Variants in FAT1 observed in about 807,000 individuals in gnomAD.
The protein encoded by FAT1 is protocadherin Fat 1.
FAT1 carries 171 observed loss-of-function variants against 329.8 expected under a neutral mutation model. The ratio of observed to expected loss-of-function variants is 0.52; its 90% CI spans 0.46 to 0.59. FAT1 has a LOEUF of 0.59. Ranked by LOEUF, FAT1 falls within the 20% of genes least tolerant of loss-of-function variation. The pLI is 0.00. For synonymous variants in FAT1, 2,233 were observed against 2,228.6 expected, an observed-to-expected ratio of 1.00 and a Z score of -0.06; for missense variants, 5,672 against 5,774.4, an observed-to-expected ratio of 0.98 and a Z score of 0.57.
rs761430021 is a variant in FAT1, at chr4:186,618,166, G to A, written c.8420C>T (p.Pro2807Leu). 30 of 1,613,864 alleles carry A rather than the reference G, an allele frequency of 1.9e-5. No individual in the cohort carries two copies. The Admixed American group carries it at 3.0e-4, about 16-fold the overall frequency. ...IQVKDANDNS[P>L]VFESSPYEAF... ...CTCATATGGACTAGATTCAAAGACCGGGCTGTTGTCATTTGCATCTTTCAC... is the reference window on the plus strand; with the variant it reads ...CTCATATGGACTAGATTCAAAGACCAGGCTGTTGTCATTTGCATCTTTCAC... Residue 2807 changes from proline (P) to leucine (L), a missense_variant, in exon 10 of 27, where the codon CCG (proline) becomes CTG (leucine). Pro to Leu is a moderately conservative substitution (Grantham distance 98). Coordinates refer to ENST00000441802, the MANE Select transcript of FAT1 (RefSeq NM_005245.4).
chr4:186,611,290 A>C, intron 14 of FAT1, 96 bp downstream of exon 14: 1 of 1,117,978 alleles, frequency 8.9e-7, no homozygotes, highest in South Asian at 1.7e-5. Flanking sequence ...ACATCTACTG[A>C]CAACACAGGG....
chr4:186,707,655 G>A lies in FAT1; in HGVS notation c.2173C>T (p.Gln725Ter), dbSNP rs2126690305. Reference protein sequence around the residue: ...QFRSTLPTGIQVKENQPVGSS... With the variant: ...QFRSTLPTGI ...CCCACAGGCTGGTTTTCCTTTACCT[G>A]AATACCAGTCGGAAGAGTGCTTCTA... The change falls in exon 2 of 27, where the codon CAG (glutamine) becomes TAG (stop). Residue 725 changes from glutamine (Q) to a stop codon, truncating the protein, a stop_gained. Transcript: ENST00000441802. LOFTEE classifies it high-confidence loss of function. 1 of 1,613,980 alleles carries A rather than the reference G, an allele frequency of 6.2e-7. No individual in the cohort carries two copies. The highest frequency in any genetic ancestry group is 8.5e-7 in the Non-Finnish European group (1 of 1,179,904).
chr4:186,656,778 A>C (rs753791379), intron 3 of FAT1, among the ~76,000 whole-genome samples: 13 of 152,236 alleles, frequency 8.5e-5, no homozygotes, highest in Admixed American at 1.3e-4. Flanking sequence ...GATTTAAAAT[A>C]AACCTAGAAA....
chr4:186,634,786 C>T (rs944640252), intron 6 of FAT1, among the ~76,000 whole-genome samples: 5 of 152,246 alleles, frequency 3.3e-5, no homozygotes, highest in African/African-American at 1.2e-4. Context: ...TAAAAAACTT[C>T]TCTAGCAAGC....
intron 1 of FAT1, among the ~76,000 whole-genome samples, chr4:186,714,603 A>T (rs74505306): frequency 0.02 from 3,017 of 152,264 alleles, 113 homozygotes; most frequent in African/African-American, 0.07. Flanking sequence ...GAAAAAAAAA[A>T]TCCAAGAGCA....
Position 186,589,066 on chromosome 4 carries a change from G to A in FAT1, c.13293C>T (p.Ile4431=), listed in dbSNP as rs146964047. 20 of 1,613,876 alleles carry A rather than the reference G, an allele frequency of 1.2e-5. No individual in the cohort carries two copies. The highest frequency in any genetic ancestry group is 3.3e-5 in the South Asian group (3 of 91,080). ...DTDYYPGGYD[I]ESDFPPPPED... The stretch of plus-strand genomic sequence containing the variant: ...CTGGGGGTGGAGGAAAATCACTTTC[G>A]ATGTCGTAGCCTCCAGGGTAATAGT... Residue 4431 remains isoleucine, a synonymous_variant, in exon 27 of 27, where the codon ATC becomes ATT. Coordinates refer to ENST00000441802, the MANE Select transcript of FAT1 (RefSeq NM_005245.4).
intron 3 of FAT1, among the ~76,000 whole-genome samples, chr4:186,644,327 T>C (rs1188375541): frequency 1.3e-5 from 2 of 152,240 alleles, no homozygotes; most frequent in African/African-American, 4.8e-5. Context: ...AAAACGTATA[T>C]GCAACTGTTT....
rs758602260 is a variant in FAT1, at chr4:186,708,327, T to C, written c.1501A>G (p.Ser501Gly). ...DEGENGYVTY[S>G]IANLNHVPFA... ...GGCACATGATTTAAATTTGCGATACTGTATGTCACGTACCCGTTCTCACCC... is the reference window on the plus strand; with the variant it reads ...GGCACATGATTTAAATTTGCGATACCGTATGTCACGTACCCGTTCTCACCC... The change falls in exon 2 of 27, where the codon AGT becomes GGT. Residue 501 changes from serine to glycine, a missense_variant. Physicochemically the swap from Ser to Gly is moderately conservative, Grantham distance 56 (BLOSUM62 0). This residue lies in a region of FAT1 where 3,966 missense variants were observed against 3,915.2 expected (regional missense o/e 1.01). Transcript: ENST00000441802. The C allele has an allele frequency of 8.7e-6, 14 of 1,613,858 alleles. No homozygotes were observed. The highest frequency in any genetic ancestry group is 2.7e-5 in the African/African-American group (2 of 74,930).
upstream of FAT1, among the ~76,000 whole-genome samples, chr4:186,726,175 A>C (rs770103812): frequency 6.6e-6 from 1 of 152,254 alleles, no homozygotes; most frequent in Non-Finnish European, 1.5e-5. Flanking sequence ...AAAGCTATGC[A>C]TACGAATCTT....
chr4:186,592,578 A>G (rs1301747195), intron 26 of FAT1: 7 of 415,710 alleles, frequency 1.7e-5, no homozygotes, highest in Non-Finnish European at 3.4e-5. Context: ...AAAAGGACTC[A>G]ACCCCCTCAA....
chr4:186,670,847 T>C (rs1006539540), intron 2 of FAT1, among the ~76,000 whole-genome samples: 80 of 152,252 alleles, frequency 5.3e-4, no homozygotes, highest in Non-Finnish European at 2.8e-4. Flanking sequence ...CTAAATGTCA[T>C]GTGGGAGCTT....
chr4:186,591,222 C>A (rs1738225882), intron 26 of FAT1, among the ~76,000 whole-genome samples: 1 of 152,216 alleles, frequency 6.6e-6, no homozygotes, highest in Admixed American at 6.5e-5. Context: ...TAGAAACTAT[C>A]AATAACTGTG....
At chr4:186,677,193 G>A (rs1743000785) in intron 2 of FAT1, among the ~76,000 whole-genome samples, 1 of 152,078 alleles carries the variant, frequency 6.6e-6, no homozygotes, top group Admixed American at 6.6e-5. Flanking sequence ...CTTACAAGCA[G>A]TGTTCAGCTA....
intron 26 of FAT1, chr4:186,592,633 G>A (rs974841344): frequency 8.9e-6 from 4 of 450,480 alleles, no homozygotes; most frequent in African/African-American, 2.0e-5. Flanking sequence ...CAATGCGGCC[G>A]AGCTCTACGA....
intron 26 of FAT1, among the ~76,000 whole-genome samples, chr4:186,589,969 T>C (rs6823745): frequency 0.44 from 66,622 of 152,030 alleles, 14,848 homozygotes; most frequent in Middle Eastern, 0.55. Flanking sequence ...ATTAACTTAA[T>C]ATAGGTATGT....
At chr4:186,717,015 C>A (rs1745238169) in intron 1 of FAT1, among the ~76,000 whole-genome samples, 1 of 152,230 alleles carries the variant, frequency 6.6e-6, no homozygotes, top group Middle Eastern at 3.4e-3. Context: ...CATCCACCCA[C>A]CTCAGCCTCC....
At chr4:186,625,693 G>A (rs1740266367) in intron 9 of FAT1, among the ~76,000 whole-genome samples, 1 of 152,238 alleles carries the variant, frequency 6.6e-6, no homozygotes, top group South Asian at 2.1e-4. Flanking sequence ...TGGCACTGAA[G>A]AAAACAGAAA....
Position 186,636,073 on chromosome 4 carries a change from C to G in FAT1, c.4135G>C (p.Val1379Leu), listed in dbSNP as rs778434489. 1 of 1,613,992 alleles carries G rather than the reference C, an allele frequency of 6.2e-7. No homozygotes were observed. Among genetic ancestry groups the G allele is most frequent in the Non-Finnish European group, 8.5e-7 (1 of 1,179,892 alleles). ...ATGCCAGGAGGCTCCACAGATATTA[C>G]TCCAATCATGTGAGCAACGGGGTCA... is the stretch of plus-strand genomic sequence containing the variant. ...ESDPVAHMIG[V>L]ISVEPPGIPL... The change falls in exon 6 of 27, where the codon GTA (valine) becomes CTA (leucine). Residue 1379 changes from valine to leucine, a missense_variant. Around this residue, in one of 2 missense-constraint regions of FAT1, gnomAD observed 3,966 missense variants for 3,915.2 expected, o/e 1.01. Coordinates refer to ENST00000441802, the MANE Select transcript of FAT1 (RefSeq NM_005245.4).
chr4:186,664,050 A>G (rs983389353), intron 2 of FAT1, among the ~76,000 whole-genome samples: 1 of 152,106 alleles, frequency 6.6e-6, no homozygotes, highest in Non-Finnish European at 1.5e-5. Context: ...GAAGACAGGG[A>G]CAACACCAGA....
Sources: gnomAD v4.1 joint callset for allele counts (sites outside exome capture counted in the v4.1 genomes callset) on GRCh38, gnomAD v4.1.1 for gene constraint, gnomAD v4.1.1 regional missense constraint, MANE v1.5 for transcripts, NCBI Gene and HGNC (gene_info 2026-07-23, HGNC 2026-07-21) for gene names.